Variants in DGKB observed in about 807,000 individuals in gnomAD.
The protein encoded by DGKB is diacylglycerol kinase beta.
DGKB carries 67 observed loss-of-function variants against 114.3 expected under a neutral mutation model. The ratio of observed to expected loss-of-function variants is 0.59; its 90% CI spans 0.48 to 0.72. The LOEUF (loss-of-function observed/expected upper bound fraction) is 0.72. Ranked by LOEUF, DGKB falls within the 30% of genes least tolerant of loss-of-function variation. The pLI, the probability that DGKB is intolerant of heterozygous loss-of-function variation, is 0.00. For synonymous variants in DGKB, 398 were observed against 323.1 expected, an observed-to-expected ratio of 1.23 and a Z score of -2.49; for missense variants, 907 against 975.2, an observed-to-expected ratio of 0.93 and a Z score of 0.93.
rs551511250 is a variant in DGKB at position 14,616,778 on chromosome 7, T to G, written c.1285-3365A>C. Among the ~76,000 whole-genome samples, 12 of 151,868 alleles carry G rather than the reference T, an allele frequency of 7.9e-5. 1 individual carries two copies. The East Asian group carries it at 1.4e-3, about 17-fold the overall frequency. ...GGCTCTCTCTACAGAGCCCTGTGTC[T>G]TTTCAAAACAGTTAAACAATACTTG... On this transcript the variant is annotated intron_variant, in intron 15 of 25. Transcript: ENST00000402815.
chr7:14,684,268 G>GAAAA (rs1554595833), intron 10 of DGKB, among the ~76,000 whole-genome samples: 2 of 151,900 alleles, frequency 1.3e-5, no homozygotes, highest in African/African-American at 4.8e-5. Flanking sequence ...GCTAGCTAAC[G>GAAAA]ACAAACAAAC....
chr7:14,553,423 T>A (rs1343517548), intron 20 of DGKB, among the ~76,000 whole-genome samples: 1 of 152,122 alleles, frequency 6.6e-6, no homozygotes, highest in East Asian at 1.9e-4. Context: ...ATTAGTCACA[T>A]AAATAAACAA....
intron 21 of DGKB, among the ~76,000 whole-genome samples, chr7:14,442,714 T>C (rs1042246255): frequency 3.3e-5 from 5 of 152,178 alleles, no homozygotes; most frequent in Non-Finnish European, 7.3e-5. Flanking sequence ...ATGTCCAATA[T>C]GATTCTTTCT....
intron 21 of DGKB, among the ~76,000 whole-genome samples, chr7:14,356,165 T>A (rs1814440757): frequency 6.6e-6 from 1 of 152,106 alleles, no homozygotes; most frequent in South Asian, 2.1e-4. Flanking sequence ...GATTCTTTCC[T>A]CTTTTCTTCT....
Position 14,848,258 on chromosome 7 carries a change from G to A in DGKB, c.-187-6808C>T, listed in dbSNP as rs1327743555. On this transcript the variant is annotated intron_variant, in intron 1 of 25. Coordinates refer to ENST00000402815, the MANE Select transcript of DGKB (RefSeq NM_001350709.2). Reference sequence around the variant, plus strand: ...TATTTTTGAAGTAGGACTTGAAAATGAATAGGATAAGTTCTGTGCAGAAAG... The same window carrying A: ...TATTTTTGAAGTAGGACTTGAAAATAAATAGGATAAGTTCTGTGCAGAAAG... Among the ~76,000 whole-genome samples the A allele has an allele frequency of 3.3e-5, 5 of 152,248 alleles. No homozygotes were observed. The South Asian group carries it at 1.0e-3, about 32-fold the overall frequency.
intron 13 of DGKB, among the ~76,000 whole-genome samples, chr7:14,640,762 T>C (rs1288672503): frequency 6.6e-6 from 1 of 152,178 alleles, no homozygotes; most frequent in Non-Finnish European, 1.5e-5. Context: ...ACAAGCCATA[T>C]TTAATAGTAA....
At chr7:14,517,314 G>A (rs569821633) in intron 20 of DGKB, among the ~76,000 whole-genome samples, 28 of 152,076 alleles carry the variant, frequency 1.8e-4, no homozygotes, top group African/African-American at 6.0e-4. Flanking sequence ...ACTCAAGATA[G>A]ATTAAAGACT....
chr7:14,638,674 A>T (rs1402297679), intron 13 of DGKB, among the ~76,000 whole-genome samples: 1 of 152,184 alleles, frequency 6.6e-6, no homozygotes, highest in African/African-American at 2.4e-5. Flanking sequence ...CAGTTTCACA[A>T]GAAATGTTTC....
At chr7:14,733,743 AAATAAAG>A (rs1311878639) in intron 5 of DGKB, among the ~76,000 whole-genome samples, 44 of 9,860 alleles carry the variant, frequency 4.5e-3, no homozygotes, top group East Asian at 5.6e-3. Flanking sequence ...AAGAAGAAAG[AAATAAAG>A]AAGAAAGAAA....
At chr7:14,366,580 CTT>C (rs902377871) in intron 21 of DGKB, among the ~76,000 whole-genome samples, 1 of 152,084 alleles carries the variant, frequency 6.6e-6, no homozygotes, top group African/African-American at 2.4e-5. Context: ...GCTTTCTTCT[CTT>C]TCATTTATCT....
At chr7:14,667,752 T>A (rs1348147494) in intron 13 of DGKB, among the ~76,000 whole-genome samples, 1 of 152,106 alleles carries the variant, frequency 6.6e-6, no homozygotes, top group African/African-American at 2.4e-5. Flanking sequence ...GGCAGAACAG[T>A]TTCATTAATT....
chr7:14,771,795 G>A (rs775906302), intron 2 of DGKB, among the ~76,000 whole-genome samples: 6 of 151,982 alleles, frequency 3.9e-5, no homozygotes, highest in Non-Finnish European at 8.8e-5. Context: ...TTCCCCCTTT[G>A]TTTTCCTTCC....
chr7:14,904,922 C>T (rs1783609981), upstream of DGKB, among the ~76,000 whole-genome samples: 1 of 152,154 alleles, frequency 6.6e-6, no homozygotes, highest in African/African-American at 2.4e-5. Flanking sequence ...CCAACTTTAT[C>T]CACAAATGGT....
At chr7:14,533,177 A>G (rs1441651027) in intron 20 of DGKB, among the ~76,000 whole-genome samples, 1 of 151,828 alleles carries the variant, frequency 6.6e-6, no homozygotes, top group East Asian at 1.9e-4. Context: ...AAACCATAAA[A>G]TATAGAAATC....
At chr7:14,757,254 A>G (rs1408753277) in intron 3 of DGKB, among the ~76,000 whole-genome samples, 1 of 152,042 alleles carries the variant, frequency 6.6e-6, no homozygotes, top group Non-Finnish European at 1.5e-5. Context: ...ATAGACTGAG[A>G]GCCAAGCATA....
At chr7:14,899,751 C>T (rs889529120) in intron 1 of DGKB, among the ~76,000 whole-genome samples, 5 of 152,042 alleles carry the variant, frequency 3.3e-5, no homozygotes, top group Admixed American at 6.6e-5. Flanking sequence ...TTAGGTGGAT[C>T]CAATTTTGGG....
chr7:14,313,983 C>T (rs537983144), intron 23 of DGKB, among the ~76,000 whole-genome samples: 34 of 152,288 alleles, frequency 2.2e-4, no homozygotes, highest in Admixed American at 4.6e-4. Context: ...CCCTGACCCC[C>T]GAGCAGTTTA....
chr7:14,201,275 T>C (rs1785831381), intron 23 of DGKB, among the ~76,000 whole-genome samples: 3 of 143,148 alleles, frequency 2.1e-5, no homozygotes, highest in African/African-American at 9.1e-5. Context: ...CATAACTTAA[T>C]CAACTCCCAA....
chr7:14,493,622 C>G (rs1017142196), intron 20 of DGKB, among the ~76,000 whole-genome samples: 1 of 151,956 alleles, frequency 6.6e-6, no homozygotes, highest in Non-Finnish European at 1.5e-5. Flanking sequence ...GCATATTCAA[C>G]GTGGATTCCC....
Sources: gnomAD v4.1 joint callset for allele counts (sites outside exome capture counted in the v4.1 genomes callset) on GRCh38, gnomAD v4.1.1 for gene constraint, MANE v1.5 for transcripts, NCBI Gene and HGNC (gene_info 2026-07-23, HGNC 2026-07-21) for gene names.